Variants in FGF1 observed in about 807,000 individuals in gnomAD.
FGF1 encodes beta-endothelial cell growth factor.
A neutral mutation model predicts 13.4 loss-of-function variants in FGF1; 9 were observed. The observed-to-expected ratio is 0.67, with a 90% CI of 0.40 to 1.17. FGF1 has a LOEUF of 1.17. FGF1 is among the 50% of genes most tolerant of loss of function. The pLI is 0.01. For synonymous variants in FGF1, 93 were observed against 79.0 expected (o/e 1.18, Z -0.94); for missense variants, 156 against 192.7 (o/e 0.81, Z 1.13).
intron 2 of FGF1, among the ~76,000 whole-genome samples, chr5:142,607,169 G>C (rs185639694): frequency 2.0e-5 from 3 of 152,266 alleles, no homozygotes; most frequent in African/African-American, 7.2e-5. Flanking sequence ...CAGAGCATAG[G>C]CACTTATAAA....
chr5:142,635,977 T>G (rs1267433990), intron 1 of FGF1, among the ~76,000 whole-genome samples: 1 of 152,252 alleles, frequency 6.6e-6, no homozygotes, highest in Non-Finnish European at 1.5e-5. Context: ...ATGTTTATTT[T>G]TTTCTATTTC....
At chr5:142,690,341 G>GA (rs1751991158), upstream of FGF1, among the ~76,000 whole-genome samples, 2 of 151,694 alleles carry the variant, frequency 1.3e-5, no homozygotes, top group Admixed American at 6.6e-5. Context: ...TCCGTCTGGG[G>GA]AAAAAATAAA....
chr5:142,677,664 C>T lies in FGF1; in HGVS notation c.-35+8293G>A, dbSNP rs775032199. 7.2e-5 allele frequency among the ~76,000 whole-genome samples: 11 copies of T among 152,174 alleles called. 1 individual carries two copies. Among genetic ancestry groups the T allele is most frequent in the Admixed American group, 4.6e-4 (7 of 15,278 alleles). ...CAACAGAGGGTAGAAGGTCCCATTG[C>T]TGTCCTGAGTCTTGGCTTTAACACT... is the stretch of plus-strand genomic sequence containing the variant. On this transcript the variant is annotated intron_variant, in intron 1 of 3. Transcript: ENST00000337706.
intron 2 of FGF1, among the ~76,000 whole-genome samples, chr5:142,609,927 C>T (rs537474763): frequency 2.6e-5 from 4 of 152,322 alleles, no homozygotes; most frequent in South Asian, 2.1e-4. Flanking sequence ...ACCCGACCTA[C>T]ACCCATCTGA....
chr5:142,619,828 C>T (rs757936704), intron 1 of FGF1, among the ~76,000 whole-genome samples: 8 of 148,212 alleles, frequency 5.4e-5, no homozygotes, highest in Non-Finnish European at 7.5e-5. Flanking sequence ...AGCGAAACTC[C>T]GTCTCAAGAA....
chr5:142,669,639 A>G (rs1771069553), intron 1 of FGF1, among the ~76,000 whole-genome samples: 1 of 152,002 alleles, frequency 6.6e-6, no homozygotes, highest in African/African-American at 2.4e-5. Flanking sequence ...ATCTGGCAGG[A>G]CGACTGCTGC....
chr5:142,609,203 C>T (rs1758512252), intron 2 of FGF1, among the ~76,000 whole-genome samples: 1 of 152,118 alleles, frequency 6.6e-6, no homozygotes, highest in Non-Finnish European at 1.5e-5. Flanking sequence ...ACTCTGCTAG[C>T]GCCTTTAGGA....
chr5:142,659,844 A>G (rs934982381), intron 1 of FGF1, among the ~76,000 whole-genome samples: 8 of 152,212 alleles, frequency 5.3e-5, no homozygotes, highest in African/African-American at 1.9e-4. Flanking sequence ...TGAGAGAGTC[A>G]CGGCCAAAGA....
chr5:142,616,557 C>T (rs985869970), intron 1 of FGF1, among the ~76,000 whole-genome samples: 53 of 152,162 alleles, frequency 3.5e-4, no homozygotes, highest in African/African-American at 1.2e-3. Context: ...TACAATCTCT[C>T]TCCATCCTCA....
intron 2 of FGF1, among the ~76,000 whole-genome samples, chr5:142,607,499 A>C (rs1757950020): frequency 6.6e-6 from 1 of 152,206 alleles, no homozygotes; most frequent in African/African-American, 2.4e-5. Context: ...GGACATTAAC[A>C]ATTAATTTAG....
chr5:142,692,672 C>T (rs1390929142), intron 2 of FGF1, among the ~76,000 whole-genome samples: 1 of 149,752 alleles, frequency 6.7e-6, no homozygotes, highest in East Asian at 1.9e-4. Flanking sequence ...CACACACACA[C>T]ACACGCACAC....
chr5:142,614,958 C>A (rs1759905803), intron 1 of FGF1, among the ~76,000 whole-genome samples: 1 of 152,044 alleles, frequency 6.6e-6, no homozygotes, highest in South Asian at 2.1e-4. Context: ...TAGCTATTTT[C>A]TAATGTGAGA....
intron 3 of FGF1, among the ~76,000 whole-genome samples, chr5:142,597,706 C>T (rs1755604832): frequency 1.3e-5 from 2 of 152,192 alleles, no homozygotes; most frequent in Non-Finnish European, 2.9e-5. Flanking sequence ...TGGTGATTCC[C>T]TGTCTGGCGG....
chr5:142,677,054 TCTC>T (rs564875399), intron 1 of FGF1, among the ~76,000 whole-genome samples: 5 of 152,264 alleles, frequency 3.3e-5, no homozygotes, highest in South Asian at 2.1e-4. Flanking sequence ...GCAGCTCTCT[TCTC>T]CTCTGGGCTG....
Position 142,597,467 on chromosome 5 carries a change from AC to A in FGF1, c.274-1984del, listed in dbSNP as rs1755544396. Among the ~76,000 whole-genome samples the A allele has an allele frequency of 2.0e-5, 3 of 152,334 alleles. No individual in the cohort carries two copies. The South Asian group carries it at 6.2e-4, about 32-fold the overall frequency. On this transcript the variant is annotated intron_variant, in intron 3 of 3. Coordinates refer to ENST00000337706, the MANE Select transcript of FGF1 (RefSeq NM_000800.5). ...CCACAACGTATTAAAGAGTGCAGTT[AC>A]TTGAAAAAAATCCAGCAACCACTAT... is the stretch of plus-strand genomic sequence containing the variant.
At chr5:142,621,420 T>G (rs918342796) in intron 1 of FGF1, 1 of 147,036 alleles carries the variant, frequency 6.8e-6, no homozygotes, top group Non-Finnish European at 1.5e-5. Context: ...CCTTTCACCA[T>G]GGTCTGACTA....
At chr5:142,670,503 A>G (rs1416287513) in intron 1 of FGF1, among the ~76,000 whole-genome samples, 2 of 152,186 alleles carry the variant, frequency 1.3e-5, no homozygotes, top group Admixed American at 1.3e-4. Flanking sequence ...TTGCCTAGTC[A>G]TTACTTCATT....
At chr5:142,654,628 C>A (rs1297519739) in intron 1 of FGF1, among the ~76,000 whole-genome samples, 1 of 152,222 alleles carries the variant, frequency 6.6e-6, no homozygotes, top group Non-Finnish European at 1.5e-5. Context: ...ACCTTCCAGC[C>A]CTTGGCCTTG....
chr5:142,670,151 C>T (rs1771178809), intron 1 of FGF1, among the ~76,000 whole-genome samples: 1 of 152,196 alleles, frequency 6.6e-6, no homozygotes, highest in Non-Finnish European at 1.5e-5. Context: ...ACCATTGGCT[C>T]AGAAACCTTC....
Sources: allele counts gnomAD v4.1 joint callset (sites outside exome capture counted in the v4.1 genomes callset), GRCh38; gene constraint gnomAD v4.1.1; transcripts MANE v1.5; gene names NCBI Gene and HGNC (gene_info 2026-07-23, HGNC 2026-07-21).